The following AUTS2 variants were observed in gnomAD, a reference collection of about 807,000 sequenced individuals.
AUTS2 encodes the protein activator of transcription and developmental regulator AUTS2, also known as autism susceptibility gene 2 protein.
In AUTS2, 17 loss-of-function variants were observed where a neutral mutation model predicts 112.4. The observed-to-expected ratio is 0.15, with a 90% CI of 0.10 to 0.23. AUTS2 has a LOEUF of 0.23. Among genes scored for constraint, AUTS2 ranks in the 10% least tolerant of loss-of-function variants. AUTS2 has a pLI of 1.00. For missense variants in AUTS2, 1,510 were observed against 1,701.6 expected (o/e 0.89, Z 1.98); for synonymous variants, 751 against 702.7 (o/e 1.07, Z -1.09).
intron 5 of AUTS2, among the ~76,000 whole-genome samples, chr7:70,523,565 A>C (rs1799726478): frequency 2.0e-5 from 3 of 152,166 alleles, no homozygotes; most frequent in Admixed American, 2.0e-4. Context: ...GAATACTTGC[A>C]AACAAATCTA....
chr7:70,704,458 T>G (rs1809629822), intron 6 of AUTS2, among the ~76,000 whole-genome samples: 1 of 152,256 alleles, frequency 6.6e-6, no homozygotes, highest in Non-Finnish European at 1.5e-5. Flanking sequence ...TGACTTATAC[T>G]GGGCGATTAC....
chr7:70,510,493 G>A (rs903009342), intron 5 of AUTS2, among the ~76,000 whole-genome samples: 1 of 152,102 alleles, frequency 6.6e-6, no homozygotes, highest in East Asian at 1.9e-4. Context: ...TACCCAAGGG[G>A]GATCCCCAAG....
At chr7:70,228,679 C>T (rs1811895203) in intron 4 of AUTS2, among the ~76,000 whole-genome samples, 1 of 151,726 alleles carries the variant, frequency 6.6e-6, no homozygotes, top group Admixed American at 6.6e-5. Context: ...TTAATAATGA[C>T]TTTGTATTAA....
intron 5 of AUTS2, among the ~76,000 whole-genome samples, chr7:70,487,648 G>C (rs1157069624): frequency 1.3e-5 from 2 of 152,186 alleles, no homozygotes; most frequent in Non-Finnish European, 2.9e-5. Context: ...CATGCTAAAT[G>C]TGATAAATGA....
chr7:69,905,942 T>C lies in AUTS2; in HGVS notation c.522+6444T>C, dbSNP rs571737651. Among the ~76,000 whole-genome samples the C allele has an allele frequency of 2.0e-4, 31 of 152,350 alleles. No individual in the cohort carries two copies. In the South Asian group the frequency reaches 5.8e-3, roughly 29 times the overall value. On this transcript the variant is annotated intron_variant, in intron 2 of 18. Coordinates refer to ENST00000342771, the MANE Select transcript of AUTS2 (RefSeq NM_015570.4). ...GGAGTTGTTCCATAAAACAGTGACC[T>C]TTTATATTTCCCAAAGTAAGAAAAT... is the stretch of plus-strand genomic sequence containing the variant.
chr7:70,270,034 G>A (rs1787614520), intron 4 of AUTS2, among the ~76,000 whole-genome samples: 1 of 151,846 alleles, frequency 6.6e-6, no homozygotes, highest in Non-Finnish European at 1.5e-5. Context: ...GCGGGACCTT[G>A]TCTCAAAAAA....
chr7:70,062,365 T>A (rs1279859614), intron 2 of AUTS2, among the ~76,000 whole-genome samples: 2 of 151,730 alleles, frequency 1.3e-5, no homozygotes, highest in Non-Finnish European at 2.9e-5. Context: ...ATACAAAAAT[T>A]ATCTGGACAT....
chr7:70,104,470 A>T (rs915999501), intron 2 of AUTS2, among the ~76,000 whole-genome samples: 1 of 152,188 alleles, frequency 6.6e-6, no homozygotes, highest in Non-Finnish European at 1.5e-5. Context: ...AACTTTCCTT[A>T]ATGAAGAACA....
chr7:70,099,354 G>T (rs1015503726), intron 2 of AUTS2, among the ~76,000 whole-genome samples: 1 of 152,154 alleles, frequency 6.6e-6, no homozygotes, highest in Admixed American at 6.5e-5. Flanking sequence ...TGTCAGCGTA[G>T]GTTAAAATTC....
At chr7:69,787,868 G>T (rs1403432624) in intron 1 of AUTS2, among the ~76,000 whole-genome samples, 1 of 152,010 alleles carries the variant, frequency 6.6e-6, no homozygotes, top group Non-Finnish European at 1.5e-5. Context: ...GAGCCACTGC[G>T]CCTAGCTGTT....
chr7:69,929,006 C>A (rs1006106426), intron 2 of AUTS2, among the ~76,000 whole-genome samples: 1 of 152,146 alleles, frequency 6.6e-6, no homozygotes, highest in Non-Finnish European at 1.5e-5. Context: ...TACATCTGAG[C>A]GTTTTTCTTT....
chr7:70,138,707 C>T (rs117986007), intron 4 of AUTS2, among the ~76,000 whole-genome samples: 1,788 of 152,172 alleles, frequency 0.012, 18 homozygotes, highest in Non-Finnish European at 0.018. Flanking sequence ...TTAAAACTGC[C>T]GCATTATATA....
At chr7:70,403,954 G>A (rs543357001) in intron 4 of AUTS2, among the ~76,000 whole-genome samples, 1 of 152,312 alleles carries the variant, frequency 6.6e-6, no homozygotes, top group Admixed American at 6.5e-5. Flanking sequence ...ACCCAGGTTT[G>A]AAAACAAGAA....
intron 1 of AUTS2, among the ~76,000 whole-genome samples, chr7:69,789,467 A>ATTT (rs1479927473): frequency 6.6e-6 from 1 of 152,182 alleles, no homozygotes; most frequent in Non-Finnish European, 1.5e-5. Context: ...CCTGTTATTA[A>ATTT]TTTAAGTAAG....
At chr7:69,866,604 T>A (rs535263428) in intron 1 of AUTS2, among the ~76,000 whole-genome samples, 1 of 152,284 alleles carries the variant, frequency 6.6e-6, no homozygotes, top group South Asian at 2.1e-4. Context: ...AATATACTGT[T>A]GCAAGTAGTA....
chr7:69,684,609 C>G (rs1351885651), intron 1 of AUTS2, among the ~76,000 whole-genome samples: 3 of 152,202 alleles, frequency 2.0e-5, no homozygotes, highest in Non-Finnish European at 2.9e-5. Context: ...GATGAATTTA[C>G]ATGAAGTTCC....
At chr7:70,388,434 T>C (rs1170246646) in intron 4 of AUTS2, among the ~76,000 whole-genome samples, 2 of 152,192 alleles carry the variant, frequency 1.3e-5, no homozygotes, top group East Asian at 1.9e-4. Flanking sequence ...CTATAAAATA[T>C]AGAAGATGTA....
At chr7:70,533,199 T>C (rs1027553606) in intron 5 of AUTS2, among the ~76,000 whole-genome samples, 5 of 152,218 alleles carry the variant, frequency 3.3e-5, no homozygotes, top group Admixed American at 3.3e-4. Context: ...CACGGCTCAC[T>C]TGCAGATTCA....
In AUTS2 at chr7:69,823,945, G is replaced by A. The variant is rs78194924; in HGVS notation, c.310-75341G>A. ...AGAGACAGCCGGACTTGAAACTCTA[G>A]AGGTATGATTTTGACCAAGACCTGA... On this transcript the variant is annotated intron_variant, in intron 1 of 18. Coordinates refer to ENST00000342771, the MANE Select transcript of AUTS2 (RefSeq NM_015570.4). 9.7e-4 allele frequency among the ~76,000 whole-genome samples: 147 copies of A among 152,244 alleles called. 4 individuals are homozygous for A. The East Asian group carries it at 0.025, about 26-fold the overall frequency.
Sources: gnomAD v4.1 joint callset for allele counts (sites outside exome capture counted in the v4.1 genomes callset) on GRCh38, gnomAD v4.1.1 for gene constraint, MANE v1.5 for transcripts, NCBI Gene and HGNC (gene_info 2026-07-23, HGNC 2026-07-21) for gene names.